The following SHANK2 variants were observed in gnomAD, a reference collection of about 807,000 sequenced individuals.
The protein encoded by SHANK2 is SH3 and multiple ankyrin repeat domains protein 2.
A neutral mutation model predicts 133.7 loss-of-function variants in SHANK2; 43 were observed. That is an observed-to-expected ratio of 0.32 (90% CI 0.25 to 0.41). SHANK2 has a LOEUF of 0.41. Ranked by LOEUF, SHANK2 falls within the 10% of genes least tolerant of loss-of-function variation. The probability of loss-of-function intolerance (pLI) is 1.00; values close to 1 mark genes in which losing one functional copy is unlikely to be tolerated. For missense variants in SHANK2, 1,994 were observed against 2,235.8 expected (o/e 0.89, Z 2.18); for synonymous variants, 1,017 against 952.8 (o/e 1.07, Z -1.24).
At chr11:70,507,722 C>G (rs1441152192) in intron 17 of SHANK2, among the ~76,000 whole-genome samples, 4 of 152,192 alleles carry the variant, frequency 2.6e-5, no homozygotes, top group Non-Finnish European at 5.9e-5. Flanking sequence ...CTTGGGCTTG[C>G]AAAAGCCAGG....
chr11:70,539,190 C>A (rs142106774), intron 17 of SHANK2, among the ~76,000 whole-genome samples: 2 of 152,138 alleles, frequency 1.3e-5, no homozygotes, highest in Non-Finnish European at 2.9e-5. Context: ...GATGGCAGAG[C>A]GTGCACGGCC....
At chr11:70,883,046 C>T (rs1198877922) in intron 11 of SHANK2, among the ~76,000 whole-genome samples, 1 of 152,078 alleles carries the variant, frequency 6.6e-6, no homozygotes, top group Non-Finnish European at 1.5e-5. Context: ...AGTGAAGGGG[C>T]GGCTCCGGAG....
chr11:70,707,387 A>T (rs192285079), intron 14 of SHANK2, among the ~76,000 whole-genome samples: 1,771 of 150,450 alleles, frequency 0.012, 37 homozygotes, highest in African/African-American at 0.041. Flanking sequence ...AAAAAAAAAA[A>T]AAAAAAAAAA....
intron 17 of SHANK2, among the ~76,000 whole-genome samples, chr11:70,626,114 A>G (rs1565191204): frequency 1.3e-5 from 2 of 152,200 alleles, no homozygotes; most frequent in Non-Finnish European, 2.9e-5. Flanking sequence ...GGTTGCTAAG[A>G]AACCGTTGCC....
intron 17 of SHANK2, among the ~76,000 whole-genome samples, chr11:70,558,968 A>G (rs1440085907): frequency 6.6e-6 from 1 of 152,128 alleles, no homozygotes; most frequent in Non-Finnish European, 1.5e-5. Context: ...CCTCTTAATA[A>G]CGATTTCCTC....
intron 17 of SHANK2, among the ~76,000 whole-genome samples, chr11:70,587,867 G>T (rs2060275074): frequency 6.6e-6 from 1 of 152,100 alleles, no homozygotes; most frequent in South Asian, 2.1e-4. Flanking sequence ...ACTGTGCCTG[G>T]CCTGAGGCAA....
chr11:70,734,571 C>G (rs553749960), intron 14 of SHANK2, among the ~76,000 whole-genome samples: 1 of 152,154 alleles, frequency 6.6e-6, no homozygotes, highest in Non-Finnish European at 1.5e-5. Context: ...ATCCAATGGG[C>G]GAGGACCAAG....
chr11:70,478,000 C>G lies in SHANK2; in HGVS notation c.4980-4561G>C, dbSNP rs12290317. On this transcript the variant is annotated intron_variant, in intron 25 of 25. Transcript: ENST00000601538. ...ACTCACACCCAACTCCCCACCAGGT[C>G]ACCACTGTCTACCCTGCCTTTTAAA... Among the ~76,000 whole-genome samples the G allele has an allele frequency of 8.0e-3, 1,213 of 152,268 alleles. 21 individuals are homozygous for G. The highest frequency in any genetic ancestry group is 0.028 in the African/African-American group (1,170 of 41,542).
At chr11:70,950,550 G>A (rs1950818648) in intron 10 of SHANK2, among the ~76,000 whole-genome samples, 1 of 152,122 alleles carries the variant, frequency 6.6e-6, no homozygotes. Context: ...CCCTCATGAT[G>A]TAATCACCTC....
chr11:70,555,143 G>A (rs969647208), intron 17 of SHANK2, among the ~76,000 whole-genome samples: 1 of 151,980 alleles, frequency 6.6e-6, no homozygotes, highest in African/African-American at 2.4e-5. Context: ...GAATTTAATC[G>A]ATAAATATTG....
At chr11:70,877,875 TC>T (rs768860266) in intron 11 of SHANK2, among the ~76,000 whole-genome samples, 1 of 152,168 alleles carries the variant, frequency 6.6e-6, no homozygotes, top group Non-Finnish European at 1.5e-5. Flanking sequence ...AAAGAACAGG[TC>T]TGAATAGTCA....
chr11:70,599,893 G>GAAAGAAAGAAAGAAAGAAAGAA (rs1565166159), intron 17 of SHANK2, among the ~76,000 whole-genome samples: 37 of 92,540 alleles, frequency 4.0e-4, no homozygotes, highest in Non-Finnish European at 5.2e-4. Context: ...GAAAGAAAAA[G>GAAAGAAAGAAAGAAAGAAAGAA]AAAGAAAGAA....
At chr11:71,092,643 G>C in intron 7 of SHANK2, 54 bp from the exon 8 acceptor site, 1 of 1,521,816 alleles carries the variant, frequency 6.6e-7, no homozygotes, top group Non-Finnish European at 8.9e-7. Flanking sequence ...CCCTTTTGCA[G>C]AGTGAGGTGA....
chr11:70,711,394 C>T (rs544595522), intron 14 of SHANK2, among the ~76,000 whole-genome samples: 1 of 152,360 alleles, frequency 6.6e-6, no homozygotes, highest in Admixed American at 6.5e-5. Flanking sequence ...CAGGCTGTGC[C>T]CAGGCTGCTG....
Position 71,166,927 on chromosome 11 carries a change from A to T in SHANK2, c.-12-19589T>A, listed in dbSNP as rs1375699486. 8.1e-5 allele frequency among the ~76,000 whole-genome samples: 11 copies of T among 136,516 alleles called. 2 individuals are homozygous for T. Among genetic ancestry groups the T allele is most frequent in the African/African-American group, 2.5e-4 (10 of 39,438 alleles). 89.6% of individuals were successfully genotyped at this position (136,516 alleles called of 152,430 possible). A position where few individuals can be genotyped will look rare whatever the true frequency, so the allele number is the denominator to read the frequency against. ...GGTCTCTGGTTTTCCTAGGCAGAGGACCCTGCGGCCTTCCGCAGTGTTTGT... is the reference window on the plus strand; with the variant it reads ...GGTCTCTGGTTTTCCTAGGCAGAGGTCCCTGCGGCCTTCCGCAGTGTTTGT... On this transcript the variant is annotated intron_variant, in intron 2 of 25. Coordinates refer to ENST00000601538, the MANE Select transcript of SHANK2 (RefSeq NM_012309.5).
At chr11:70,821,384 A>C (rs1590722861) in intron 11 of SHANK2, among the ~76,000 whole-genome samples, 1 of 152,244 alleles carries the variant, frequency 6.6e-6, no homozygotes, top group Non-Finnish European at 1.5e-5. Flanking sequence ...TCAGACTTGT[A>C]GTCCCCAGGA....
chr11:71,084,521 C>T (rs927916149), intron 8 of SHANK2, among the ~76,000 whole-genome samples: 15 of 152,200 alleles, frequency 9.9e-5, no homozygotes, highest in East Asian at 3.9e-4. Context: ...ACACGATGAA[C>T]GCCCAGAACC....
intron 25 of SHANK2, chr11:70,474,521 C>T (rs1555149705): frequency 7.2e-5 from 11 of 152,270 alleles, no homozygotes. Flanking sequence ...TGGCCTTTCA[C>T]ACACCACTCC....
chr11:70,587,582 A>G (rs7945862), intron 17 of SHANK2, among the ~76,000 whole-genome samples: 88,544 of 151,976 alleles, frequency 0.58, 26,348 homozygotes, highest in African/African-American at 0.7. Context: ...GAGAAAAGGT[A>G]TAAAAAAGAT....
Sources: allele counts gnomAD v4.1 joint callset (sites outside exome capture counted in the v4.1 genomes callset), GRCh38; gene constraint gnomAD v4.1.1; transcripts MANE v1.5; gene names NCBI Gene and HGNC (gene_info 2026-07-23, HGNC 2026-07-21).